The following RAD51B variants were observed in gnomAD, a reference collection of about 807,000 sequenced individuals.
RAD51B encodes the protein RAD51 paralog B.
RAD51B carries 38 observed loss-of-function variants against 42.2 expected under a neutral mutation model. That is an observed-to-expected ratio of 0.90 (90% CI 0.70 to 1.18). The LOEUF (loss-of-function observed/expected upper bound fraction) is 1.18. RAD51B is among the 50% of genes most tolerant of loss of function. RAD51B has a pLI of 0.00. For missense variants in RAD51B, 373 were observed against 400.7 expected (o/e 0.93, Z 0.59); for synonymous variants, 154 against 145.2 (o/e 1.06, Z -0.43).
intron 4 of RAD51B, among the ~76,000 whole-genome samples, chr14:67,838,932 A>G (rs2041338552): frequency 6.6e-6 from 1 of 151,774 alleles, no homozygotes; most frequent in Admixed American, 6.6e-5. Context: ...TTTTTTCTGC[A>G]TTGATTGAAA....
intron 7 of RAD51B, among the ~76,000 whole-genome samples, chr14:68,070,116 T>G (rs1423580996): frequency 1.3e-5 from 2 of 152,054 alleles, no homozygotes; most frequent in Non-Finnish European, 2.9e-5. Context: ...ACTTTGCCCG[T>G]TTTTTAATGA....
At chr14:68,110,070 A>G (rs1008207127) in intron 7 of RAD51B, among the ~76,000 whole-genome samples, 5 of 151,994 alleles carry the variant, frequency 3.3e-5, no homozygotes, top group African/African-American at 4.8e-5. Flanking sequence ...AAGTTCATAA[A>G]TGTCTGCTAA....
chr14:68,307,237 C>G (rs1314174958), intron 8 of RAD51B, among the ~76,000 whole-genome samples: 1 of 152,134 alleles, frequency 6.6e-6, no homozygotes, highest in East Asian at 1.9e-4. Context: ...ATGTCTCTTG[C>G]AACAGGCGAG....
At chr14:68,458,626 G>C (rs940347821) in intron 9 of RAD51B, among the ~76,000 whole-genome samples, 1 of 150,952 alleles carries the variant, frequency 6.6e-6, no homozygotes, top group African/African-American at 2.4e-5. Context: ...TATAACCTCA[G>C]GGTCAAAATT....
chr14:67,825,425 C>G, intron 2 of RAD51B, 39 bp from the exon 3 acceptor site: 1 of 1,409,598 alleles, frequency 7.1e-7, no homozygotes, highest in South Asian at 1.2e-5. Flanking sequence ...ATCTTTGTTA[C>G]ACATATATGT....
chr14:68,339,238 G>A (rs754113874), intron 8 of RAD51B: 1 of 1,147,118 alleles, frequency 8.7e-7, no homozygotes. Context: ...TTGTGGGCCA[G>A]CTTAAGCAGC....
chr14:68,145,060 T>G lies in RAD51B; in HGVS notation c.757-146824T>G, dbSNP rs1278823455. On this transcript the variant is annotated intron_variant, in intron 7 of 10. Transcript: ENST00000471583. ...TTGTCTACAATTCATAGAATCAGTA[T>G]GGTAAAACATTAGAGCTGGAAAAGC... Among the ~76,000 whole-genome samples the G allele has an allele frequency of 2.6e-5, 4 of 152,328 alleles. No individual in the cohort carries two copies. In the East Asian group the frequency reaches 7.7e-4, roughly 29 times the overall value.
intron 10 of RAD51B, among the ~76,000 whole-genome samples, chr14:68,545,120 G>A (rs993792985): frequency 6.6e-6 from 1 of 152,238 alleles, no homozygotes; most frequent in Admixed American, 6.5e-5. Context: ...TGATCTAGAT[G>A]AGTTTCTGTT....
intron 3 of RAD51B, among the ~76,000 whole-genome samples, chr14:67,829,031 G>T (rs184950804): frequency 6.6e-6 from 1 of 152,120 alleles, no homozygotes; most frequent in East Asian, 1.9e-4. Context: ...AATGTGAATG[G>T]TAGTTTAATG....
rs1032332947 is a variant in RAD51B, at chr14:68,356,753, G to C, written c.854-54671G>C. Among the ~76,000 whole-genome samples the C allele has an allele frequency of 8.6e-5, 13 of 151,452 alleles. No individual in the cohort carries two copies. In the South Asian group the frequency reaches 2.7e-3, roughly 32 times the overall value. The stretch of plus-strand genomic sequence containing the variant: ...TCCCAGCACTTTGGGAGGCCGAGGC[G>C]GGCGGATCACGAGGTCAGGAGATCG... On this transcript the variant is annotated intron_variant, in intron 8 of 10. Transcript: ENST00000471583.
intron 9 of RAD51B, among the ~76,000 whole-genome samples, chr14:68,418,081 G>A (rs530896581): frequency 1.3e-4 from 20 of 152,168 alleles, no homozygotes; most frequent in Middle Eastern, 3.4e-3. Context: ...TTTAAAAGGC[G>A]AAAGATTTAC....
intron 6 of RAD51B, 104 bp from the exon 7 acceptor site, chr14:67,886,917 G>A: frequency 2.8e-6 from 2 of 706,066 alleles, no homozygotes; most frequent in Non-Finnish European, 2.2e-6. Flanking sequence ...TGTAACTTAG[G>A]AAAGAATAGT....
intron 3 of RAD51B, among the ~76,000 whole-genome samples, chr14:67,831,789 C>G (rs568938040): frequency 6.6e-6 from 1 of 152,134 alleles, no homozygotes; most frequent in Non-Finnish European, 1.5e-5. Context: ...GGTGATACGC[C>G]GGCCTCGGCC....
chr14:68,135,306 A>T (rs1000806304), intron 7 of RAD51B, among the ~76,000 whole-genome samples: 2 of 152,244 alleles, frequency 1.3e-5, no homozygotes, highest in Non-Finnish European at 1.5e-5. Flanking sequence ...ATTATTGTAA[A>T]TAAACACCTC....
chr14:68,349,485 C>T lies in RAD51B; in HGVS notation c.853+57505C>T, dbSNP rs1304273435. Among the ~76,000 whole-genome samples, 3 of 152,092 alleles carry T rather than the reference C, an allele frequency of 2.0e-5. 1 individual carries two copies. In the South Asian group the frequency reaches 6.2e-4, roughly 32 times the overall value. On this transcript the variant is annotated intron_variant, in intron 8 of 10. Transcript: ENST00000471583. ...AGGTTCAAGCAATTCTTCTGCCTCACCCTCTCTAGAAGCTGGGATTGCAGG... is the reference window on the plus strand; with the variant it reads ...AGGTTCAAGCAATTCTTCTGCCTCATCCTCTCTAGAAGCTGGGATTGCAGG...
At chr14:68,673,894 GCA>G (rs953837860) in intron 11 of RAD51B, among the ~76,000 whole-genome samples, 13 of 135,094 alleles carry the variant, frequency 9.6e-5, no homozygotes, top group African/African-American at 2.6e-4. Flanking sequence ...ATGTATACAT[GCA>G]CACACATACT....
intron 9 of RAD51B, among the ~76,000 whole-genome samples, chr14:68,424,105 A>G (rs1266721175): frequency 6.6e-6 from 1 of 152,204 alleles, no homozygotes; most frequent in Non-Finnish European, 1.5e-5. Context: ...CTCCTCCAGT[A>G]AGAACCTAAG....
At chr14:68,313,177 A>C (rs1334701588) in intron 8 of RAD51B, among the ~76,000 whole-genome samples, 1 of 152,182 alleles carries the variant, frequency 6.6e-6, no homozygotes, top group African/African-American at 2.4e-5. Context: ...AATATTCTCT[A>C]TGGGAACTGC....
chr14:68,643,558 C>T (rs1892507078), intron 10 of RAD51B, among the ~76,000 whole-genome samples: 1 of 152,196 alleles, frequency 6.6e-6, no homozygotes, highest in South Asian at 2.1e-4. Context: ...CATTCTACTC[C>T]TTATTTCAGA....
Sources: gnomAD v4.1 joint callset for allele counts (sites outside exome capture counted in the v4.1 genomes callset) on GRCh38, gnomAD v4.1.1 for gene constraint, MANE v1.5 for transcripts, NCBI Gene and HGNC (gene_info 2026-07-23, HGNC 2026-07-21) for gene names.